POMZP3: variants seen among roughly 807,000 people sequenced by gnomAD.
POMZP3 encodes the protein POM121 and ZP3 fusion protein.
POMZP3 carries 10 observed loss-of-function variants against 19.8 expected under a neutral mutation model. The ratio of observed to expected loss-of-function variants is 0.51; its 90% CI spans 0.31 to 0.86. The LOEUF (loss-of-function observed/expected upper bound fraction) is 0.86. POMZP3 is among the 40% of genes least tolerant of loss of function. The pLI is 0.04. For missense variants in POMZP3, 152 were observed against 228.1 expected (o/e 0.67, Z 2.15); for synonymous variants, 57 against 85.8 (o/e 0.66, Z 1.85).
rs545545560 is a variant in POMZP3 at position 76,620,663 on chromosome 7, A to T, written c.228-2363T>A. On this transcript the variant is annotated intron_variant, in intron 3 of 6. Coordinates refer to ENST00000310842, the MANE Select transcript of POMZP3 (RefSeq NM_012230.5). ...TTGTATTTTTAGTAGAGATGGGGTT[A>T]CGCCATGTTGGCCAGGCTGGTCTTG... Among the ~76,000 whole-genome samples the T allele has an allele frequency of 8.4e-4, 127 of 151,258 alleles. 1 individual carries two copies. Among genetic ancestry groups the T allele is most frequent in the Middle Eastern group, 3.4e-3 (1 of 294 alleles).
intron 3 of POMZP3, among the ~76,000 whole-genome samples, chr7:76,624,659 T>C (rs1815761874): frequency 1.4e-5 from 2 of 146,562 alleles, no homozygotes; most frequent in South Asian, 4.8e-4. Context: ...TTGGCCAGGC[T>C]GGTCTCGAAC....
intron 4 of POMZP3, among the ~76,000 whole-genome samples, chr7:76,612,133 A>G (rs1346832471): frequency 7.7e-6 from 1 of 129,380 alleles, no homozygotes; most frequent in Non-Finnish European, 1.6e-5. Context: ...GGGAGGCAGA[A>G]GTTGCAGTGA....
At chr7:76,625,349 A>C (rs1310830130) in intron 3 of POMZP3, among the ~76,000 whole-genome samples, 173 bp downstream of exon 3, 1 of 151,670 alleles carries the variant, frequency 6.6e-6, no homozygotes, top group East Asian at 1.9e-4. Context: ...CTGTGCCTTG[A>C]AATGATCAGC....
Position 76,615,160 on chromosome 7 carries a change from C to G in POMZP3, c.345+3023G>C. Among the ~76,000 whole-genome samples, 2 of 98,172 alleles carry G rather than the reference C, an allele frequency of 2.0e-5. 1 individual carries two copies. The highest frequency in any genetic ancestry group is 4.5e-5 in the Non-Finnish European group (2 of 44,288). 64.4% of individuals were successfully genotyped at this position (98,172 alleles called of 152,430 possible). On this transcript the variant is annotated intron_variant, in intron 4 of 6. Transcript: ENST00000310842. ...AGCACTGTTCTCTGGTCTTAGTTAC[C>G]CCTCCACACCCAGAGATTGAGAAAC...
chr7:76,623,286 T>A (rs944776136), intron 3 of POMZP3, among the ~76,000 whole-genome samples: 7 of 151,968 alleles, frequency 4.6e-5, no homozygotes, highest in African/African-American at 1.2e-4. Flanking sequence ...TCAGAAATCC[T>A]ATCTATAGGA....
chr7:76,611,468 C>T lies in POMZP3; in HGVS notation c.561G>A (p.Leu187=), dbSNP rs1231969243. 6.4e-7 allele frequency: 1 copy of T among 1,567,984 alleles called. No homozygotes were observed. Among genetic ancestry groups the T allele is most frequent in the Non-Finnish European group, 8.7e-7 (1 of 1,145,774 alleles). Residue 187 remains leucine (L), a synonymous_variant, in exon 6 of 7, where the codon CTG becomes CTA. Coordinates refer to ENST00000310842, the MANE Select transcript of POMZP3 (RefSeq NM_012230.5). ...VVSQWSTSAS[L] ...CTATGACATACCATGCCTGCGGTTA[C>T]AGGGAAGCAGACGTGGACCACTGGC...
At position 76,622,431 on chromosome 7, in the gene POMZP3, T is replaced by C. The variant is rs1389261731; in HGVS notation, c.227+3091A>G. 3.2e-5 allele frequency among the ~76,000 whole-genome samples: 4 copies of C among 126,532 alleles called. No homozygotes were observed. The Admixed American group carries it at 3.4e-4, about 11-fold the overall frequency. 83.0% of individuals were successfully genotyped at this position (126,532 alleles called of 152,430 possible). A position where few individuals can be genotyped will look rare whatever the true frequency, so the allele number is the denominator to read the frequency against. ...TCTCGCTCTGTCACCCAGGCTGGAG[T>C]GCAGTGGCACGATCTCAGCTCACTG... On this transcript the variant is annotated intron_variant, in intron 3 of 6. Transcript: ENST00000310842.
At chr7:76,613,300 C>T (rs201996545) in intron 4 of POMZP3, among the ~76,000 whole-genome samples, 9,522 of 50,926 alleles carry the variant, frequency 0.19, 305 homozygotes, top group African/African-American at 0.29. Flanking sequence ...GTCAAGCCTA[C>T]GTCAGTCTCC....
intron 3 of POMZP3, among the ~76,000 whole-genome samples, chr7:76,620,713 C>G (rs1815506146): frequency 6.6e-6 from 1 of 151,960 alleles, no homozygotes; most frequent in African/African-American, 2.4e-5. Context: ...GGTGATCTGC[C>G]TGCCTCAGCC....
Position 76,620,908 on chromosome 7 carries a change from G to A in POMZP3, c.228-2608C>T, listed in dbSNP as rs866790002. Among the ~76,000 whole-genome samples, 134 of 126,420 alleles carry A rather than the reference G, an allele frequency of 1.1e-3. 1 individual carries two copies. The highest frequency in any genetic ancestry group is 4.0e-3 in the African/African-American group (130 of 32,676). 82.9% of individuals were successfully genotyped at this position (126,420 alleles called of 152,430 possible). On this transcript the variant is annotated intron_variant, in intron 3 of 6. Transcript: ENST00000310842. ...TTTTGAGACAGAGTCTCTCTGTGTC[G>A]CCAAGGCTGGAGTGCAGTGGCATGA...
chr7:76,610,238 C>G lies in POMZP3; in HGVS notation c.*12-23G>C, dbSNP rs777851116. The stretch of plus-strand genomic sequence containing the variant: ...TCACTGTGAAAGGAGAACACACAAC[C>G]AAGGGTCATCTTAGTCCCTAACCGG... On this transcript the variant is annotated intron_variant, in intron 6 of 6. Coordinates refer to ENST00000310842, the MANE Select transcript of POMZP3 (RefSeq NM_012230.5). The G allele has an allele frequency of 3.1e-6, 5 of 1,613,844 alleles. No individual in the cohort carries two copies. In the East Asian group the frequency reaches 1.1e-4, roughly 36 times the overall value.
intron 3 of POMZP3, among the ~76,000 whole-genome samples, chr7:76,624,486 C>A (rs1230379135): frequency 2.0e-5 from 3 of 151,568 alleles, no homozygotes; most frequent in Admixed American, 6.6e-5. Flanking sequence ...CGCTCTGTCA[C>A]CCAGGCTAGC....
At chr7:76,625,132 CA>C (rs59816962) in intron 3 of POMZP3, among the ~76,000 whole-genome samples, 11,115 of 54,478 alleles carry the variant, frequency 0.2, 661 homozygotes, top group East Asian at 0.34. Context: ...GACTCCAACT[CA>C]AAAAAAAAAA....
At chr7:76,620,383 T>C (rs1469116580) in intron 3 of POMZP3, among the ~76,000 whole-genome samples, 38 of 110,438 alleles carry the variant, frequency 3.4e-4, no homozygotes, top group Non-Finnish European at 1.7e-4. Context: ...GGGTAGAGGG[T>C]ATTTGCAAAC....
chr7:76,625,935 G>A (rs374585637), intron 2 of POMZP3, 65 bp downstream of exon 2: 29 of 1,601,122 alleles, frequency 1.8e-5, no homozygotes, highest in Non-Finnish European at 2.3e-5. Context: ...GTTGTCATAG[G>A]AACAACTGGA....
intron 3 of POMZP3, among the ~76,000 whole-genome samples, chr7:76,624,054 T>C (rs538171254): frequency 2.1e-4 from 27 of 129,240 alleles, no homozygotes; most frequent in African/African-American, 8.1e-4. Flanking sequence ...AAAAGAGTAA[T>C]TTTTTATTTT....
At chr7:76,622,453 A>C (rs1815620912) in intron 3 of POMZP3, among the ~76,000 whole-genome samples, 1 of 128,626 alleles carries the variant, frequency 7.8e-6, no homozygotes. Context: ...ATCTCAGCTC[A>C]CTGCAACCTC....
chr7:76,610,553 G>A (rs1436971433), intron 6 of POMZP3, among the ~76,000 whole-genome samples: 4 of 151,950 alleles, frequency 2.6e-5, no homozygotes, highest in African/African-American at 9.7e-5. Flanking sequence ...TTGGGAGGCT[G>A]AGGCAGGAGA....
chr7:76,626,765 T>C lies in POMZP3; in HGVS notation c.-209A>G, dbSNP rs1815924163. ...AGGAGTGGGGAGAGAGGGGTAAAAG[T>C]GGTGAACGCGATGGGTCGGCGGGGA... On this transcript the variant is annotated 5_prime_UTR_variant, in exon 1 of 7. Transcript: ENST00000310842. 7.2e-7 allele frequency: 1 copy of C among 1,381,114 alleles called. No homozygotes were observed. The highest frequency in any genetic ancestry group is 1.6e-5 in the African/African-American group (1 of 61,952). The allele number at this position is 1,381,114 out of a possible 1,614,324, so 85.6% of individuals were successfully genotyped here.
Sources: gnomAD v4.1 joint callset for allele counts (sites outside exome capture counted in the v4.1 genomes callset) on GRCh38, gnomAD v4.1.1 for gene constraint, MANE v1.5 for transcripts, NCBI Gene and HGNC (gene_info 2026-07-23, HGNC 2026-07-21) for gene names.